TENT5D: variants seen among roughly 807,000 people sequenced by gnomAD.
TENT5D encodes the protein terminal nucleotidyltransferase 5D, also known as cancer/testis antigen 112.
For synonymous variants in TENT5D, 103 were observed against 100.6 expected, an observed-to-expected ratio of 1.02 and a Z score of -0.15; for missense variants, 191 against 287.0, an observed-to-expected ratio of 0.67 and a Z score of 2.42.
At chrX:80,336,182 A>AT (rs1289018291) in intron 2 of TENT5D, among the ~76,000 whole-genome samples, 44 of 111,148 alleles carry the variant, frequency 4.0e-4, no homozygotes, top group African/African-American at 1.3e-3. Flanking sequence ...AGTTTGACGA[A>AT]TTTTTTTCCC....
intron 3 of TENT5D, among the ~76,000 whole-genome samples, chrX:80,361,869 G>C (rs1279664631): frequency 8.9e-6 from 1 of 111,740 alleles, no homozygotes; most frequent in African/African-American, 3.3e-5. Flanking sequence ...GGTGCTGCAT[G>C]TGCAGGTTGG....
At chrX:80,410,676 GTC>G in intron 3 of TENT5D, among the ~76,000 whole-genome samples, 1 of 104,253 alleles carries the variant, frequency 9.6e-6, no homozygotes, top group East Asian at 3.1e-4. Flanking sequence ...CATTGTGGAA[GTC>G]AGTGTGGCGA....
intron 3 of TENT5D, among the ~76,000 whole-genome samples, chrX:80,350,767 GT>G (rs1930160713): frequency 8.9e-6 from 1 of 111,780 alleles, no homozygotes; most frequent in Admixed American, 9.6e-5. Context: ...ATTTTGGCTT[GT>G]TTTTGCAGTT....
chrX:80,376,132 T>A (rs954281539), intron 3 of TENT5D, among the ~76,000 whole-genome samples: 3 of 110,987 alleles, frequency 2.7e-5, no homozygotes, highest in Non-Finnish European at 5.7e-5. Flanking sequence ...TTTCACTACT[T>A]GTAGTAATTA....
intron 3 of TENT5D, among the ~76,000 whole-genome samples, chrX:80,360,522 T>C (rs772060386): frequency 1.8e-5 from 2 of 112,550 alleles, no homozygotes; most frequent in South Asian, 7.2e-4. Flanking sequence ...AAAATAATTT[T>C]GCATTTAGTC....
chrX:80,353,846 A>G (rs188960259), intron 3 of TENT5D, among the ~76,000 whole-genome samples: 2 of 112,446 alleles, frequency 1.8e-5, no homozygotes, highest in Admixed American at 1.9e-4. Context: ...TCTTAGAGAC[A>G]TTGCCAAACT....
intron 1 of TENT5D, among the ~76,000 whole-genome samples, chrX:80,422,054 A>C (rs1931895954): frequency 9.0e-6 from 1 of 111,519 alleles, no homozygotes; most frequent in Admixed American, 9.6e-5. Context: ...GAAAGGAGAA[A>C]GGTAGTAGTA....
chrX:80,400,635 G>A (rs1931373865), intron 3 of TENT5D, among the ~76,000 whole-genome samples: 1 of 112,063 alleles, frequency 8.9e-6, no homozygotes, highest in South Asian at 3.7e-4. Flanking sequence ...CAGCTTTCAG[G>A]ATTTCAGCAT....
At chrX:80,432,803 G>C (rs778555103) in intron 1 of TENT5D, among the ~76,000 whole-genome samples, 3 of 110,774 alleles carry the variant, frequency 2.7e-5, no homozygotes, top group Non-Finnish European at 5.7e-5. Flanking sequence ...AGCAGAGAGG[G>C]GTGCCCAAAT....
intron 2 of TENT5D, among the ~76,000 whole-genome samples, chrX:80,337,920 A>G (rs1929884122): frequency 9.0e-6 from 1 of 110,510 alleles, no homozygotes; most frequent in Non-Finnish European, 1.9e-5. Flanking sequence ...CCACGCCGCC[A>G]CACCCGGCTA....
intron 1 of TENT5D, among the ~76,000 whole-genome samples, chrX:80,437,263 C>A (rs1200826173): frequency 8.9e-6 from 1 of 111,793 alleles, no homozygotes; most frequent in Non-Finnish European, 1.9e-5. Context: ...AAGTTAATGA[C>A]TGGGTGAGGG....
exon 3 of TENT5D, chrX:80,442,962 T>C (rs762766220): frequency 8.3e-7 from 1 of 1,211,440 alleles, no homozygotes; most frequent in East Asian, 3.0e-5. Flanking sequence ...GCAATGGGCA[T>C]GATTGTTGGA....
At chrX:80,357,331 C>G (rs1250764102) in intron 3 of TENT5D, among the ~76,000 whole-genome samples, 30 of 108,974 alleles carry the variant, frequency 2.8e-4, no homozygotes, top group Admixed American at 4.9e-4. Context: ...CCTGAGGAAT[C>G]GCCACACTGA....
intron 3 of TENT5D, among the ~76,000 whole-genome samples, chrX:80,408,088 A>G (rs1274429239): frequency 9.1e-6 from 1 of 109,719 alleles, no homozygotes; most frequent in East Asian, 2.9e-4. Flanking sequence ...AATCTCTGGG[A>G]CACATTCAAA....
At chrX:80,437,767 A>T (rs949201531) in intron 1 of TENT5D, among the ~76,000 whole-genome samples, 2 of 111,679 alleles carry the variant, frequency 1.8e-5, no homozygotes, top group African/African-American at 6.5e-5. Context: ...TAGTCAAATC[A>T]TGTTTAATAC....
intron 3 of TENT5D, among the ~76,000 whole-genome samples, chrX:80,408,991 CA>C (rs1931569839): frequency 9.0e-6 from 1 of 111,076 alleles, no homozygotes; most frequent in Non-Finnish European, 1.9e-5. Context: ...GAGCCAAAGA[CA>C]AAAACCACAT....
intron 3 of TENT5D, among the ~76,000 whole-genome samples, chrX:80,357,366 A>C (rs1380779297): frequency 9.2e-6 from 1 of 108,393 alleles, no homozygotes; most frequent in African/African-American, 3.4e-5. Flanking sequence ...GAACTAGTTT[A>C]CAGTCCCACC....
intron 3 of TENT5D, among the ~76,000 whole-genome samples, chrX:80,343,842 T>G (rs1218315120): frequency 9.0e-6 from 1 of 111,652 alleles, no homozygotes; most frequent in East Asian, 2.8e-4. Context: ...TGCAGATTTG[T>G]TACATGGGTA....
At chrX:80,337,727 G>A (rs998565001) in intron 2 of TENT5D, among the ~76,000 whole-genome samples, 4 of 111,451 alleles carry the variant, frequency 3.6e-5, no homozygotes, top group African/African-American at 1.3e-4. Flanking sequence ...AATGATTAAG[G>A]TTAACTTTTA....
Sources: gnomAD v4.1 joint callset for allele counts (sites outside exome capture counted in the v4.1 genomes callset) on GRCh38, gnomAD v4.1.1 for gene constraint, MANE v1.5 for transcripts, NCBI Gene and HGNC (gene_info 2026-07-23, HGNC 2026-07-21) for gene names.